TRAF3: variants seen among roughly 807,000 people sequenced by gnomAD.
TRAF3 encodes the protein TNF receptor-associated factor 3.
A neutral mutation model predicts 62.3 loss-of-function variants in TRAF3; 13 were observed. That is an observed-to-expected ratio of 0.21 (90% CI 0.14 to 0.33). TRAF3 has a LOEUF of 0.33. Among genes scored for constraint, TRAF3 ranks in the 10% least tolerant of loss-of-function variants. The pLI, the probability that TRAF3 is intolerant of heterozygous loss-of-function variation, is 1.00. For missense variants in TRAF3, 440 were observed against 741.8 expected, an observed-to-expected ratio of 0.59 and a Z score of 4.73; for synonymous variants, 269 against 283.4, an observed-to-expected ratio of 0.95 and a Z score of 0.51.
chr14:102,876,984 C>T (rs150769386), intron 6 of TRAF3, among the ~76,000 whole-genome samples: 2,751 of 144,538 alleles, frequency 0.019, 34 homozygotes, highest in African/African-American at 0.023. Context: ...ACAGGCCTTC[C>T]CTCAACTCAT....
chr14:102,847,811 G>C (rs1206428442), intron 2 of TRAF3, among the ~76,000 whole-genome samples: 2 of 152,158 alleles, frequency 1.3e-5, no homozygotes, highest in African/African-American at 2.4e-5. Flanking sequence ...TTCAGCAGAT[G>C]TATTTGACTT....
intron 1 of TRAF3, among the ~76,000 whole-genome samples, chr14:102,807,989 C>T (rs1898875771): frequency 6.6e-6 from 1 of 152,128 alleles, no homozygotes; most frequent in South Asian, 2.1e-4. Context: ...CTCCACTAGT[C>T]CTTAAGACAC....
chr14:102,783,200 T>C (rs1897337164), intron 1 of TRAF3, among the ~76,000 whole-genome samples: 1 of 152,170 alleles, frequency 6.6e-6, no homozygotes, highest in South Asian at 2.1e-4. Context: ...GTGTTTGGAA[T>C]GTGTGTCGGC....
intron 6 of TRAF3, among the ~76,000 whole-genome samples, chr14:102,885,475 C>T (rs2139912226): frequency 6.6e-6 from 1 of 152,258 alleles, no homozygotes; most frequent in East Asian, 1.9e-4. Flanking sequence ...AGTTGATGTC[C>T]TTGTGGGGAG....
chr14:102,793,218 C>T (rs939122949), intron 1 of TRAF3, among the ~76,000 whole-genome samples: 2 of 152,144 alleles, frequency 1.3e-5, no homozygotes, highest in South Asian at 4.1e-4. Context: ...GTGGTACGAT[C>T]TTGGCTCACT....
chr14:102,835,371 A>G (rs1410949480), intron 2 of TRAF3, among the ~76,000 whole-genome samples: 5 of 152,204 alleles, frequency 3.3e-5, no homozygotes, highest in Non-Finnish European at 5.9e-5. Context: ...TAGAACTACC[A>G]TTTGACCCAG....
At chr14:102,827,648 A>C (rs1900404805) in intron 1 of TRAF3, among the ~76,000 whole-genome samples, 1 of 152,218 alleles carries the variant, frequency 6.6e-6, no homozygotes, top group Non-Finnish European at 1.5e-5. Flanking sequence ...GGGATGCTCC[A>C]TTTGAATATT....
At chr14:102,807,541 C>T (rs538548858) in intron 1 of TRAF3, among the ~76,000 whole-genome samples, 7 of 152,346 alleles carry the variant, frequency 4.6e-5, no homozygotes, top group Non-Finnish European at 8.8e-5. Flanking sequence ...AGTCCTCTTG[C>T]TTTGGCCATC....
intron 1 of TRAF3, among the ~76,000 whole-genome samples, chr14:102,803,493 C>T (rs779801058): frequency 1.3e-5 from 2 of 152,066 alleles, no homozygotes; most frequent in Non-Finnish European, 2.9e-5. Flanking sequence ...AGATGGAAAG[C>T]ATTTAGCATA....
rs540525811 is a variant in TRAF3 at position 102,874,783 on chromosome 14, T to C, written c.298-841T>C. Among the ~76,000 whole-genome samples, 7 of 152,220 alleles carry C rather than the reference T, an allele frequency of 4.6e-5. 1 individual carries two copies. In the East Asian group the frequency reaches 1.2e-3, roughly 25 times the overall value. Reference sequence around the variant, plus strand: ...CTCTTGCCTCAGCCTCCTGAGTAGCTGAGACTGCAGGCGCATATGCTGCCT... The same window carrying C: ...CTCTTGCCTCAGCCTCCTGAGTAGCCGAGACTGCAGGCGCATATGCTGCCT... On this transcript the variant is annotated intron_variant, in intron 4 of 11. Coordinates refer to ENST00000392745, the MANE Select transcript of TRAF3 (RefSeq NM_145725.3).
chr14:102,855,297 T>C (rs533542405), intron 2 of TRAF3, among the ~76,000 whole-genome samples: 4 of 152,356 alleles, frequency 2.6e-5, no homozygotes, highest in African/African-American at 9.6e-5. Context: ...AACATGTGTA[T>C]ACATGTGTTT....
At chr14:102,885,219 G>A (rs979810490) in intron 6 of TRAF3, among the ~76,000 whole-genome samples, 9 of 152,196 alleles carry the variant, frequency 5.9e-5, no homozygotes, top group African/African-American at 2.2e-4. Flanking sequence ...CGGGTGGGCC[G>A]CTGCCCTCCT....
chr14:102,821,186 A>G (rs1358249311), intron 1 of TRAF3, among the ~76,000 whole-genome samples: 1 of 152,208 alleles, frequency 6.6e-6, no homozygotes, highest in East Asian at 1.9e-4. Context: ...CTGAAAATGT[A>G]TATTAAAGAT....
At chr14:102,800,824 T>C (rs1898359921) in intron 1 of TRAF3, among the ~76,000 whole-genome samples, 1 of 151,770 alleles carries the variant, frequency 6.6e-6, no homozygotes, top group Non-Finnish European at 1.5e-5. Flanking sequence ...GCCTCTCAAG[T>C]AGCGAGGACT....
At chr14:102,814,401 G>A (rs559708520) in intron 1 of TRAF3, among the ~76,000 whole-genome samples, 1 of 152,152 alleles carries the variant, frequency 6.6e-6, no homozygotes, top group Non-Finnish European at 1.5e-5. Flanking sequence ...TTCTTGCTCA[G>A]CATTGCTTTG....
chr14:102,785,079 T>G (rs1326586444), intron 1 of TRAF3, among the ~76,000 whole-genome samples: 2 of 152,240 alleles, frequency 1.3e-5, no homozygotes, highest in Non-Finnish European at 2.9e-5. Flanking sequence ...TCACCACAGC[T>G]GAATTACAGT....
chr14:102,791,901 C>T (rs1022656056), intron 1 of TRAF3, among the ~76,000 whole-genome samples: 5 of 151,952 alleles, frequency 3.3e-5, no homozygotes, highest in Admixed American at 2.6e-4. Context: ...CAACCTCTGC[C>T]TCCCAGGCTC....
chr14:102,821,532 G>A (rs1899987045), intron 1 of TRAF3, among the ~76,000 whole-genome samples: 1 of 152,178 alleles, frequency 6.6e-6, no homozygotes, highest in African/African-American at 2.4e-5. Flanking sequence ...TTGAAAAGAG[G>A]CTTCCTGGTG....
At chr14:102,777,858 C>T (rs1316720894) in intron 1 of TRAF3, among the ~76,000 whole-genome samples, 183 bp downstream of exon 1, 1 of 147,524 alleles carries the variant, frequency 6.8e-6, no homozygotes, top group Non-Finnish European at 1.5e-5. Context: ...TCAGCCTGGC[C>T]CCGCGCCCCA....
Sources: allele counts gnomAD v4.1 joint callset (sites outside exome capture counted in the v4.1 genomes callset), GRCh38; gene constraint gnomAD v4.1.1; transcripts MANE v1.5; gene names NCBI Gene and HGNC (gene_info 2026-07-23, HGNC 2026-07-21).